Variants in GTF2H5 observed in about 807,000 individuals in gnomAD.
GTF2H5 encodes TFB5 ortholog.
GTF2H5 carries 5 observed loss-of-function variants against 7.1 expected under a neutral mutation model. That is an observed-to-expected ratio of 0.71 (90% CI 0.37 to 1.49). GTF2H5 has a LOEUF of 1.49. Among genes scored for constraint, GTF2H5 ranks in the 40% most tolerant of loss-of-function variants. The pLI is 0.03. For missense variants in GTF2H5, 80 were observed against 83.0 expected (o/e 0.96, Z 0.14); for synonymous variants, 30 against 31.7 (o/e 0.95, Z 0.18).
intron 2 of GTF2H5, among the ~76,000 whole-genome samples, chr6:158,173,631 A>G (rs1369354044): frequency 6.6e-6 from 1 of 152,218 alleles, no homozygotes; most frequent in Non-Finnish European, 1.5e-5. Flanking sequence ...AGGATCTTCT[A>G]CAGCTGTTGC....
Position 158,192,293 on chromosome 6 carries a change from C to G in GTF2H5, c.*136C>G. On this transcript the variant is annotated 3_prime_UTR_variant, in exon 3 of 3. Transcript: ENST00000607778. ...ACGGGAAAGACTGAGGGATCATGATCATTTGTTCAGAAAAAAAGCCCCTGA... is the reference window on the plus strand; with the variant it reads ...ACGGGAAAGACTGAGGGATCATGATGATTTGTTCAGAAAAAAAGCCCCTGA... 1.5e-6 allele frequency: 1 copy of G among 665,286 alleles called. No individual in the cohort carries two copies. Among genetic ancestry groups the G allele is most frequent in the Admixed American group, 2.4e-5 (1 of 41,880 alleles). 41.2% of individuals were successfully genotyped at this position (665,286 alleles called of 1,614,324 possible).
chr6:158,168,971 C>T (rs1340992412), intron 1 of GTF2H5, among the ~76,000 whole-genome samples: 1 of 152,018 alleles, frequency 6.6e-6, no homozygotes, highest in Non-Finnish European at 1.5e-5. Context: ...CGGTGGCTCA[C>T]ACCTGTTGTC....
At position 158,195,350 on chromosome 6, in the gene GTF2H5, G is replaced by GT. The variant is rs772392629; in HGVS notation, c.*3199dup. 3 of 150,798 alleles carry GT rather than the reference G, an allele frequency of 2.0e-5. No homozygotes were observed. Among genetic ancestry groups the GT allele is most frequent in the Non-Finnish European group, 2.9e-5 (2 of 67,996 alleles). 9.3% of individuals were successfully genotyped at this position (150,798 alleles called of 1,614,324 possible). On this transcript the variant is annotated 3_prime_UTR_variant, in exon 3 of 3. Transcript: ENST00000607778. ...TTGAGTGTTATATTTCTCAATAAAG[G>GT]TTTTTTCTTTTAATACTGTATTAGG...
chr6:158,189,450 C>A (rs1055242621), intron 2 of GTF2H5, among the ~76,000 whole-genome samples: 2 of 152,188 alleles, frequency 1.3e-5, no homozygotes, highest in Non-Finnish European at 2.9e-5. Flanking sequence ...TCTCCCAGTT[C>A]CCTGGCCTCC....
At chr6:158,178,668 C>T (rs1340351237) in intron 2 of GTF2H5, among the ~76,000 whole-genome samples, 1 of 152,064 alleles carries the variant, frequency 6.6e-6, no homozygotes, top group Non-Finnish European at 1.5e-5. Flanking sequence ...AGTGTCTGTT[C>T]ATATCCTTTG....
At position 158,170,540 on chromosome 6, in the gene GTF2H5, TTAG is replaced by T. The variant is rs1562470130; in HGVS notation, c.35+7_35+9del. On this transcript the variant is annotated splice_donor_5th_base_variant and intron_variant, in intron 2 of 2. Transcript: ENST00000607778. Reference sequence around the variant, plus strand: ...CTTGAAAGGAGTGCTTATAGAATGGTTAGTAGTTTTGATACTGCATGAGTTTTA... The same window carrying T: ...CTTGAAAGGAGTGCTTATAGAATGGTTAGTTTTGATACTGCATGAGTTTTA... 4 of 1,601,312 alleles carry T rather than the reference TTAG, an allele frequency of 2.5e-6. No individual in the cohort carries two copies. The highest frequency in any genetic ancestry group is 3.4e-6 in the Non-Finnish European group (4 of 1,168,394).
rs1427735621 is a variant in GTF2H5 at position 158,194,318 on chromosome 6, C to T, written c.*2161C>T. On this transcript the variant is annotated 3_prime_UTR_variant, in exon 3 of 3. Coordinates refer to ENST00000607778, the MANE Select transcript of GTF2H5 (RefSeq NM_207118.3). ...TATTTAGCTGGCAGCCAAGAGGTGG[C>T]TCACACTTGGAATTCTCTCAGCTCC... 1 of 152,230 alleles carries T rather than the reference C, an allele frequency of 6.6e-6. No individual in the cohort carries two copies. The highest frequency in any genetic ancestry group is 1.5e-5 in the Non-Finnish European group (1 of 68,042). 9.4% of individuals were successfully genotyped at this position (152,230 alleles called of 1,614,324 possible). A position where few individuals can be genotyped will look rare whatever the true frequency, so the allele number is the denominator to read the frequency against.
At position 158,192,437 on chromosome 6, in the gene GTF2H5, C is replaced by T; in HGVS notation, c.*280C>T. ...CAATGCTTTTCCTGCCTTTTTAATA[C>T]CATGTCAGTGTAACATAGGTATTTA... On this transcript the variant is annotated 3_prime_UTR_variant, in exon 3 of 3. Coordinates refer to ENST00000607778, the MANE Select transcript of GTF2H5 (RefSeq NM_207118.3). 2.5e-6 allele frequency: 1 copy of T among 393,702 alleles called. No individual in the cohort carries two copies. Among genetic ancestry groups the T allele is most frequent in the Non-Finnish European group, 4.7e-6 (1 of 210,742 alleles). The allele number at this position is 393,702 out of a possible 1,614,324, so 24.4% of individuals were successfully genotyped here.
At chr6:158,191,794 T>C (rs1583639210) in intron 2 of GTF2H5, among the ~76,000 whole-genome samples, 183 bp from the exon 3 acceptor site, 1 of 152,322 alleles carries the variant, frequency 6.6e-6, no homozygotes, top group East Asian at 1.9e-4. Context: ...CTTACACTAA[T>C]AGTTCTAAAA....
intron 1 of GTF2H5, among the ~76,000 whole-genome samples, chr6:158,169,486 TATTGTATATTATATAA>T (rs1785744813): frequency 1.7e-5 from 1 of 57,336 alleles, no homozygotes; most frequent in African/African-American, 9.6e-5. Flanking sequence ...ATATATAATA[TATTGTATATTATATAA>T]TATATTGTAT....
At chr6:158,175,048 A>ATATGTGTGTGTGTGTGTGTGTGTG in intron 2 of GTF2H5, among the ~76,000 whole-genome samples, 1 of 80,898 alleles carries the variant, frequency 1.2e-5, no homozygotes, top group South Asian at 3.9e-4. Context: ...GTGTGTGTAT[A>ATATGTGTGTGTGTGTGTGTGTGTG]CACACACACA....
intron 1 of GTF2H5, among the ~76,000 whole-genome samples, chr6:158,169,865 A>G (rs1022575999): frequency 4.2e-5 from 6 of 142,296 alleles, no homozygotes; most frequent in African/African-American, 1.6e-4. Flanking sequence ...GATACAACAC[A>G]GTACATTAGC....
Position 158,198,104 on chromosome 6 carries a change from G to A in GTF2H5, c.*5947G>A, listed in dbSNP as rs949772074. ...GAATCTAGAAGAGTACAATGATAAA[G>A]GGGAAGATAGAAACACACACATATG... On this transcript the variant is annotated 3_prime_UTR_variant, in exon 3 of 3. Transcript: ENST00000607778. The A allele has an allele frequency of 6.6e-6, 1 of 152,166 alleles. No homozygotes were observed. Among genetic ancestry groups the A allele is most frequent in the Non-Finnish European group, 1.5e-5 (1 of 68,020 alleles). 9.4% of individuals were successfully genotyped at this position (152,166 alleles called of 1,614,324 possible).
chr6:158,184,715 A>C (rs1213873415), intron 2 of GTF2H5, among the ~76,000 whole-genome samples: 1 of 152,242 alleles, frequency 6.6e-6, no homozygotes, highest in African/African-American at 2.4e-5. Flanking sequence ...AAAATTTTTT[A>C]AGTAATATCT....
At chr6:158,181,359 C>T (rs1326484944) in intron 2 of GTF2H5, among the ~76,000 whole-genome samples, 6 of 151,968 alleles carry the variant, frequency 3.9e-5, no homozygotes, top group South Asian at 4.2e-4. Flanking sequence ...TGATTTGGGT[C>T]GGGGAGTTCT....
chr6:158,169,535 TTATA>T (rs1173293373), intron 1 of GTF2H5, among the ~76,000 whole-genome samples: 1,391 of 83,728 alleles, frequency 0.017, 161 homozygotes, highest in Non-Finnish European at 0.024. Context: ...ATACAGTATA[TTATA>T]TATAATATAC....
At chr6:158,182,896 C>T (rs530374789) in intron 2 of GTF2H5, among the ~76,000 whole-genome samples, 1 of 152,144 alleles carries the variant, frequency 6.6e-6, no homozygotes, top group Non-Finnish European at 1.5e-5. Context: ...CAAACTCATT[C>T]TCCATCCAGT....
At chr6:158,186,924 G>A (rs561885396) in intron 2 of GTF2H5, among the ~76,000 whole-genome samples, 3 of 152,170 alleles carry the variant, frequency 2.0e-5, no homozygotes, top group South Asian at 2.1e-4. Flanking sequence ...GTTTTATCAC[G>A]CAGATGAAGT....
Position 158,193,974 on chromosome 6 carries a change from G to C in GTF2H5, c.*1817G>C, listed in dbSNP as rs1239949892. 2.1e-5 allele frequency: 3 copies of C among 144,060 alleles called. No individual in the cohort carries two copies. Among genetic ancestry groups the C allele is most frequent in the Non-Finnish European group, 4.5e-5 (3 of 66,868 alleles). The allele number at this position is 144,060 out of a possible 1,614,324, so 8.9% of individuals were successfully genotyped here. On this transcript the variant is annotated 3_prime_UTR_variant, in exon 3 of 3. Transcript: ENST00000607778. ...ACTGCACTCCAGCCTGGGCGACAGA[G>C]GGAGACTCCATCTCAAAAAAAAAAA...
Sources: gnomAD v4.1 joint callset for allele counts (sites outside exome capture counted in the v4.1 genomes callset) on GRCh38, gnomAD v4.1.1 for gene constraint, MANE v1.5 for transcripts, NCBI Gene and HGNC (gene_info 2026-07-23, HGNC 2026-07-21) for gene names.